ZC3H12B: variants seen among roughly 807,000 people sequenced by gnomAD.
The protein encoded by ZC3H12B is zinc finger CCCH-type containing 12B.
Under a neutral mutation model 43.9 loss-of-function variants are expected in ZC3H12B, and 7 were observed. The observed-to-expected ratio is 0.16, with a 90% CI of 0.09 to 0.30. The LOEUF (loss-of-function observed/expected upper bound fraction) is 0.30. Ranked by LOEUF, ZC3H12B falls within the 10% of genes least tolerant of loss-of-function variation. The pLI, the probability that ZC3H12B is intolerant of heterozygous loss-of-function variation, is 1.00. For missense variants in ZC3H12B, 475 were observed against 670.2 expected (o/e 0.71, Z 3.22); for synonymous variants, 222 against 241.7 (o/e 0.92, Z 0.76).
chrX:65,305,557 C>T, the ZC3H12B span, among the ~76,000 whole-genome samples: 1 of 112,115 alleles, frequency 8.9e-6, no homozygotes, highest in Non-Finnish European at 1.9e-5. Flanking sequence ...GCCTGATAAA[C>T]TCCCACTCTT....
the ZC3H12B span, among the ~76,000 whole-genome samples, chrX:65,207,446 G>T: frequency 9.0e-6 from 1 of 110,775 alleles, no homozygotes; most frequent in Non-Finnish European, 1.9e-5. Context: ...GGATGCAAAA[G>T]CATAAGAATG....
chrX:65,407,403 C>G (rs1324046380), intron 3 of ZC3H12B, among the ~76,000 whole-genome samples: 1 of 112,839 alleles, frequency 8.9e-6, no homozygotes, highest in African/African-American at 3.2e-5. Flanking sequence ...GCGCGCCCTC[C>G]GCACTTTCCC....
rs191259504 is a variant in ZC3H12B, at chrX:65,468,524, C to T, written n.408-20122C>T. On this transcript the variant is annotated intron_variant and non_coding_transcript_variant, in intron 3 of 5. Transcript: ENST00000617377. ...TTTGAGATGGAGTCTCACTCTGTCA[C>T]GCAGGCTGGAGTGCAGTGGCACCAT... Among the ~76,000 whole-genome samples the T allele has an allele frequency of 4.0e-3, 411 of 101,733 alleles. 4 individuals are homozygous for T. The highest frequency in any genetic ancestry group is 0.014 in the African/African-American group (380 of 28,031). The allele number at this position is 101,733 out of a possible 115,157, so 88.3% of individuals were successfully genotyped here. A position where few individuals can be genotyped will look rare whatever the true frequency, so the allele number is the denominator to read the frequency against.
At chrX:65,278,623 C>A in the ZC3H12B span, among the ~76,000 whole-genome samples, 36 of 111,663 alleles carry the variant, frequency 3.2e-4, no homozygotes, top group Non-Finnish European at 5.7e-4. Context: ...AGTCTTTCAA[C>A]AAGTAAAGTC....
At chrX:65,133,514 G>A in the ZC3H12B span, among the ~76,000 whole-genome samples, 3 of 111,329 alleles carry the variant, frequency 2.7e-5, no homozygotes, top group African/African-American at 9.8e-5. Flanking sequence ...GGGAGAGGTC[G>A]GATAAAGAAA....
chrX:65,503,119 C>G, exon 5 of ZC3H12B: 1 of 1,211,391 alleles, frequency 8.3e-7, no homozygotes, highest in South Asian at 1.8e-5. Context: ...CTTCTAACAT[C>G]GTCCTTGCAG....
chrX:65,175,807 A>G, the ZC3H12B span, among the ~76,000 whole-genome samples: 4 of 112,029 alleles, frequency 3.6e-5, no homozygotes, highest in Non-Finnish European at 7.5e-5. Flanking sequence ...TCCCTCTCCT[A>G]GCCAAGGGAA....
the ZC3H12B span, among the ~76,000 whole-genome samples, chrX:65,211,070 TAAA>T: frequency 3.5e-5 from 1 of 28,228 alleles, no homozygotes; most frequent in Non-Finnish European, 8.2e-5. Flanking sequence ...TAGAGTATAA[TAAA>T]AAAAAAAAAA....
chrX:65,476,944 C>T (rs1026049035), intron 3 of ZC3H12B, among the ~76,000 whole-genome samples: 5 of 108,568 alleles, frequency 4.6e-5, no homozygotes, highest in African/African-American at 1.7e-4. Context: ...ACCTAAGCCT[C>T]CCGAGTAGCT....
At chrX:65,110,788 G>C in the ZC3H12B span, among the ~76,000 whole-genome samples, 2 of 111,049 alleles carry the variant, frequency 1.8e-5, no homozygotes, top group African/African-American at 6.5e-5. Flanking sequence ...GATTTTTGTA[G>C]GAATTGTGTT....
chrX:65,265,552 TA>T, the ZC3H12B span, among the ~76,000 whole-genome samples: 3 of 112,204 alleles, frequency 2.7e-5, no homozygotes, highest in Non-Finnish European at 3.8e-5. Flanking sequence ...GAAAGGCTTA[TA>T]AACATTTCCT....
chrX:65,051,684 C>T, the ZC3H12B span, among the ~76,000 whole-genome samples: 4 of 110,151 alleles, frequency 3.6e-5, no homozygotes, highest in Non-Finnish European at 5.7e-5. Context: ...TTTTTTTCAG[C>T]GAAGAAGTAG....
chrX:65,173,812 G>A, the ZC3H12B span, among the ~76,000 whole-genome samples: 3 of 111,667 alleles, frequency 2.7e-5, no homozygotes, highest in African/African-American at 9.8e-5. Flanking sequence ...TGTGCTGCTG[G>A]TGTTTTATTG....
At chrX:65,270,961 C>T in the ZC3H12B span, 1 of 112,111 alleles carries the variant, frequency 8.9e-6, no homozygotes, top group African/African-American at 3.2e-5. Context: ...AAAGTCATTT[C>T]AGATCAATTT....
At chrX:65,167,529 C>T in the ZC3H12B span, among the ~76,000 whole-genome samples, 2 of 111,491 alleles carry the variant, frequency 1.8e-5, no homozygotes, top group East Asian at 2.8e-4. Context: ...TATGTGGGCT[C>T]TTCTTTGGTT....
the ZC3H12B span, among the ~76,000 whole-genome samples, chrX:65,231,021 A>G: frequency 8.9e-6 from 1 of 111,798 alleles, no homozygotes; most frequent in African/African-American, 3.3e-5. Flanking sequence ...AGCCCCCAGT[A>G]TTTCACCATA....
chrX:65,216,656 CTCTT>C, the ZC3H12B span, among the ~76,000 whole-genome samples: 9,067 of 111,346 alleles, frequency 0.081, 1,002 homozygotes, highest in African/African-American at 0.29. Context: ...GTTCACTTCA[CTCTT>C]TCCCCACCAC....
the ZC3H12B span, among the ~76,000 whole-genome samples, chrX:65,129,424 G>C: frequency 1.8e-5 from 2 of 109,480 alleles, no homozygotes; most frequent in Non-Finnish European, 3.8e-5. Flanking sequence ...GTTAGGGGTG[G>C]GGCAGTTTTA....
At chrX:65,191,112 C>T in the ZC3H12B span, among the ~76,000 whole-genome samples, 5 of 85,778 alleles carry the variant, frequency 5.8e-5, no homozygotes, top group South Asian at 1.3e-3. Context: ...TATTGATTTG[C>T]GTATATTGAA....
Sources: gnomAD v4.1 joint callset for allele counts (sites outside exome capture counted in the v4.1 genomes callset) on GRCh38, gnomAD v4.1.1 for gene constraint, MANE v1.5 for transcripts, NCBI Gene and HGNC (gene_info 2026-07-23, HGNC 2026-07-21) for gene names.